LILRA2: variants seen among roughly 807,000 people sequenced by gnomAD.
The protein encoded by LILRA2 is leukocyte immunoglobulin like receptor A2.
In LILRA2, 45 loss-of-function variants were observed where a neutral mutation model predicts 47.9. The observed-to-expected ratio is 0.94, with a 90% CI of 0.74 to 1.20. The LOEUF is 1.20. Ranked by LOEUF, LILRA2 falls within the 50% of genes most tolerant of loss-of-function variation. The probability of loss-of-function intolerance (pLI) is 0.00; values close to 1 mark genes in which losing one functional copy is unlikely to be tolerated. For synonymous variants in LILRA2, 279 were observed against 249.2 expected, an observed-to-expected ratio of 1.12 and a Z score of -1.13; for missense variants, 651 against 598.2, an observed-to-expected ratio of 1.09 and a Z score of -0.92.
Position 54,575,042 on chromosome 19 carries a change from T to A in LILRA2, c.655+9T>A, listed in dbSNP as rs1336237536. The A allele has an allele frequency of 6.2e-7, 1 of 1,610,938 alleles. No individual in the cohort carries two copies. The highest frequency in any genetic ancestry group is 1.7e-5 in the Admixed American group (1 of 59,762). Reference sequence around the variant, plus strand: ...GGAGCTCCTGGTCCCAGGTGAGAAATTCACAGAATTGCTTGGAGTTCCCTG... The same window carrying A: ...GGAGCTCCTGGTCCCAGGTGAGAAAATCACAGAATTGCTTGGAGTTCCCTG... On this transcript the variant is annotated intron_variant, in intron 4 of 7. Transcript: ENST00000391738.
chr19:54,573,792 C>T lies in LILRA2; in HGVS notation c.-87C>T, dbSNP rs1255411999. 1.9e-6 allele frequency: 3 copies of T among 1,607,812 alleles called. No individual in the cohort carries two copies. In the African/African-American group the frequency reaches 4.0e-5, roughly 22 times the overall value. ...CCCCATGACAAGAAGGATCCAGCCT[C>T]CGAGTGTCCACACCCTGTGCGTCTC... On this transcript the variant is annotated 5_prime_UTR_variant, in exon 1 of 8. Coordinates refer to ENST00000391738, the MANE Select transcript of LILRA2 (RefSeq NM_001130917.3).
rs1286721953 is a variant in LILRA2 at position 54,580,197 on chromosome 19, CT to C, written c.1255+4104del. 1.1e-3 allele frequency among the ~76,000 whole-genome samples: 143 copies of C among 133,436 alleles called. 2 individuals are homozygous for C. Among genetic ancestry groups the C allele is most frequent in the East Asian group, 2.3e-3 (8 of 3,454 alleles). The allele number at this position is 133,436 out of a possible 152,430, so 87.5% of individuals were successfully genotyped here. A position where few individuals can be genotyped will look rare whatever the true frequency, so the allele number is the denominator to read the frequency against. ...TCTTGTCTTGTGCCGGTTTTCTTTT[CT>C]TTTTTTTTTTTTTTTATTATACTCT... On this transcript the variant is annotated intron_variant, in intron 6 of 7. Coordinates refer to ENST00000391738, the MANE Select transcript of LILRA2 (RefSeq NM_001130917.3).
upstream of LILRA2, chr19:54,573,414 G>T: frequency 1.0e-6 from 1 of 976,242 alleles, no homozygotes; most frequent in Admixed American, 1.7e-5. Flanking sequence ...GCATCTCCAG[G>T]GCTGGAGGGA....
Position 54,574,082 on chromosome 19 carries a change from G to C in LILRA2, c.41G>C (p.Ser14Thr), listed in dbSNP as rs149776162. Residue 14 changes from serine to threonine, a missense_variant, in exon 2 of 8, where the codon AGT becomes ACT. Coordinates refer to ENST00000391738, the MANE Select transcript of LILRA2 (RefSeq NM_001130917.3). ...ACAGGGAACTCTCTTCCAGGGCTGA[G>C]TCTGGGCCCCAGGACCCACGTGCAG... is the stretch of plus-strand genomic sequence containing the variant. The part of the protein sequence containing the change: ...ILTVLICLGL[S>T]LGPRTHVQAG... The C allele has an allele frequency of 6.2e-7, 1 of 1,614,224 alleles. No homozygotes were observed. The highest frequency in any genetic ancestry group is 8.5e-7 in the Non-Finnish European group (1 of 1,180,034).
rs746064517 is a variant in LILRA2, at chr19:54,574,948, G to A, written c.570G>A (p.Arg190=). ...TGGGCCCCGTGAGCCCGAGTCGCAGGTGGTCGTACAGGTGCTATGCTTATG... is the reference window on the plus strand; with the variant it reads ...TGGGCCCCGTGAGCCCGAGTCGCAGATGGTCGTACAGGTGCTATGCTTATG... ...FSVGPVSPSR[R]WSYRCYAYDS... The change falls in exon 4 of 8, where the codon AGG becomes AGA. Residue 190 remains arginine (R), a synonymous_variant. Transcript: ENST00000391738. The A allele has an allele frequency of 5.0e-6, 8 of 1,614,284 alleles. No homozygotes were observed. Among genetic ancestry groups the A allele is most frequent in the South Asian group, 1.1e-5 (1 of 91,092 alleles).
At chr19:54,577,394 AAG>A in intron 6 of LILRA2, 1 of 1,160,186 alleles carries the variant, frequency 8.6e-7, no homozygotes, top group Non-Finnish European at 1.1e-6. Context: ...ATGGAGGAGG[AAG>A]AGAGGCAGGT....
Position 54,574,290 on chromosome 19 carries a change from T to A in LILRA2, c.71-11T>A. ...AAATGACTTAGAATCCGACCTCTGA[T>A]TTCCTTCCAGGGCACCTCCCCAAGC... On this transcript the variant is annotated splice_polypyrimidine_tract_variant and intron_variant, in intron 2 of 7. Coordinates refer to ENST00000391738, the MANE Select transcript of LILRA2 (RefSeq NM_001130917.3). The A allele has an allele frequency of 6.2e-7, 1 of 1,614,018 alleles. No homozygotes were observed. The highest frequency in any genetic ancestry group is 8.5e-7 in the Non-Finnish European group (1 of 1,179,932).
rs560690876 is a variant in LILRA2, at chr19:54,577,105, A to G, written c.1255+996A>G. Among the ~76,000 whole-genome samples, 90 of 152,380 alleles carry G rather than the reference A, an allele frequency of 5.9e-4. 1 individual carries two copies. The highest frequency in any genetic ancestry group is 1.0e-3 in the Non-Finnish European group (70 of 68,046). ...GGGGCAGGTGCATGCAGTTTTACCC[A>G]TCCCTCCTGGAATCTCAGCTTAGTA... On this transcript the variant is annotated intron_variant, in intron 6 of 7. Coordinates refer to ENST00000391738, the MANE Select transcript of LILRA2 (RefSeq NM_001130917.3).
intron 6 of LILRA2, among the ~76,000 whole-genome samples, chr19:54,579,111 A>G (rs2062565897): frequency 6.6e-6 from 1 of 152,046 alleles, no homozygotes; most frequent in Non-Finnish European, 1.5e-5. Flanking sequence ...GAAGCTCTTT[A>G]ATTAGATCCC....
At chr19:54,575,585 A>G in intron 5 of LILRA2, 33 bp downstream of exon 5, 1 of 1,598,264 alleles carries the variant, frequency 6.3e-7, no homozygotes, top group East Asian at 2.3e-5. Flanking sequence ...TCAGGGACCC[A>G]GGCTCTGCAC....
intron 6 of LILRA2, among the ~76,000 whole-genome samples, chr19:54,582,395 C>T (rs1225977484): frequency 6.6e-6 from 1 of 152,102 alleles, no homozygotes; most frequent in Admixed American, 6.6e-5. Flanking sequence ...GCTGCGAATC[C>T]TTCTGGTCCT....
rs527931867 is a variant in LILRA2, at chr19:54,579,590, G to A, written c.1255+3481G>A. On this transcript the variant is annotated intron_variant, in intron 6 of 7. Transcript: ENST00000391738. The stretch of plus-strand genomic sequence containing the variant: ...TTGCTTAGGATTGTCTTGGCAATGC[G>A]GGCTTTTTTTTGGTTCCATATGAAC... Among the ~76,000 whole-genome samples, 73 of 152,220 alleles carry A rather than the reference G, an allele frequency of 4.8e-4. 2 individuals carry two copies. In the South Asian group the frequency reaches 0.015, roughly 31 times the overall value.
In LILRA2 at chr19:54,587,348, C is replaced by T. The variant is rs532604914; in HGVS notation, c.*2C>T. 9 of 1,614,140 alleles carry T rather than the reference C, an allele frequency of 5.6e-6. No individual in the cohort carries two copies. Among genetic ancestry groups the T allele is most frequent in the South Asian group, 2.2e-5 (2 of 91,076 alleles). The stretch of plus-strand genomic sequence containing the variant: ...CTACAAGATGCAGCCGGGAGGTGAA[C>T]AGCAGAGAGGACAATGCATCCTTCA... On this transcript the variant is annotated 3_prime_UTR_variant, in exon 8 of 8. Coordinates refer to ENST00000391738, the MANE Select transcript of LILRA2 (RefSeq NM_001130917.3).
At chr19:54,573,006 C>T (rs1400622107), upstream of LILRA2, 1 of 165,534 alleles carries the variant, frequency 6.0e-6, no homozygotes, top group Non-Finnish European at 1.3e-5. Flanking sequence ...CCTTTTGAGA[C>T]AGGGTCTCAC....
chr19:54,575,575 T>G, intron 5 of LILRA2, 23 bp downstream of exon 5: 1 of 1,609,974 alleles, frequency 6.2e-7, no homozygotes, highest in Non-Finnish European at 8.5e-7. Context: ...GCGGGTTCAG[T>G]CAGGGACCCA....
Position 54,587,188 on chromosome 19 carries a change from C to A in LILRA2, c.1307-13C>A. ...TTCCGATCTGCCCTGACCTCTGTGA[C>A]CTCTTTGTCCAGCATCCCTAGGCCA... On this transcript the variant is annotated splice_polypyrimidine_tract_variant and intron_variant, in intron 7 of 7. Coordinates refer to ENST00000391738, the MANE Select transcript of LILRA2 (RefSeq NM_001130917.3). The A allele has an allele frequency of 5.0e-6, 8 of 1,614,030 alleles. No individual in the cohort carries two copies. Among genetic ancestry groups the A allele is most frequent in the Non-Finnish European group, 6.8e-6 (8 of 1,179,980 alleles).
In LILRA2 at chr19:54,574,551, G is replaced by A; in HGVS notation, c.321G>A (p.Glu107=). ...CQYYSHNHSS[E]YSDPLELVVT... Reference sequence around the variant, plus strand: ...ACTACAGCCACAATCACTCATCAGAGTACAGTGACCCCCTGGAGCTGGTGG... The same window carrying A: ...ACTACAGCCACAATCACTCATCAGAATACAGTGACCCCCTGGAGCTGGTGG... Residue 107 remains glutamate (E), a synonymous_variant, in exon 3 of 8, where the codon GAG becomes GAA. Coordinates refer to ENST00000391738, the MANE Select transcript of LILRA2 (RefSeq NM_001130917.3). The A allele has an allele frequency of 6.2e-7, 1 of 1,613,772 alleles. No individual in the cohort carries two copies. The highest frequency in any genetic ancestry group is 1.1e-5 in the South Asian group (1 of 91,086).
At chr19:54,586,089 T>C (rs1013985415) in intron 6 of LILRA2, among the ~76,000 whole-genome samples, 2 of 152,244 alleles carry the variant, frequency 1.3e-5, no homozygotes, top group African/African-American at 4.8e-5. Context: ...TCTTTATTTC[T>C]AAATTACATG....
chr19:54,574,958 A>C lies in LILRA2; in HGVS notation c.580A>C (p.Arg194=). 1 of 1,614,272 alleles carries C rather than the reference A, an allele frequency of 6.2e-7. No individual in the cohort carries two copies. Among genetic ancestry groups the C allele is most frequent in the East Asian group, 2.2e-5 (1 of 44,876 alleles). The stretch of plus-strand genomic sequence containing the variant: ...GAGCCCGAGTCGCAGGTGGTCGTAC[A>C]GGTGCTATGCTTATGACTCGAACTC... ...PVSPSRRWSY[R]CYAYDSNSPY... Residue 194 remains arginine, a synonymous_variant, in exon 4 of 8, where the codon AGG becomes CGG. Coordinates refer to ENST00000391738, the MANE Select transcript of LILRA2 (RefSeq NM_001130917.3).
Sources: allele counts gnomAD v4.1 joint callset (sites outside exome capture counted in the v4.1 genomes callset), GRCh38; gene constraint gnomAD v4.1.1; transcripts MANE v1.5; gene names NCBI Gene and HGNC (gene_info 2026-07-23, HGNC 2026-07-21).